Variants in FGD5 observed in about 807,000 individuals in gnomAD.
The protein encoded by FGD5 is FYVE, RhoGEF and PH domain-containing protein 5.
Under a neutral mutation model 133.4 loss-of-function variants are expected in FGD5, and 28 were observed. The ratio of observed to expected loss-of-function variants is 0.21; its 90% confidence interval spans 0.16 to 0.29. The LOEUF is 0.29. Among genes scored for constraint, FGD5 ranks in the 10% least tolerant of loss-of-function variants. The probability of loss-of-function intolerance (pLI) is 1.00; values close to 1 mark genes in which losing one functional copy is unlikely to be tolerated. For missense variants in FGD5, 1,858 were observed against 1,895.2 expected (o/e 0.98, Z 0.36); for synonymous variants, 810 against 776.5 (o/e 1.04, Z -0.72).
chr3:14,850,900 G>A (rs1460690177), intron 1 of FGD5, among the ~76,000 whole-genome samples: 1 of 152,180 alleles, frequency 6.6e-6, no homozygotes, highest in Non-Finnish European at 1.5e-5. Context: ...ATGTATGCAT[G>A]GGCCAGGGAG....
chr3:14,929,132 A>G (rs893939461), intron 18 of FGD5, among the ~76,000 whole-genome samples: 1 of 152,134 alleles, frequency 6.6e-6, no homozygotes, highest in African/African-American at 2.4e-5. Flanking sequence ...TCCATTAACC[A>G]TGATGTTTTT....
At position 14,932,646 on chromosome 3, in the gene FGD5, A is replaced by C; in HGVS notation, c.4267A>C (p.Ser1423Arg). 6.2e-7 allele frequency: 1 copy of C among 1,614,080 alleles called. No individual in the cohort carries two copies. Among genetic ancestry groups the C allele is most frequent in the South Asian group, 1.1e-5 (1 of 91,088 alleles). The change falls in exon 19 of 20, where the codon AGT becomes CGT. Residue 1423 changes from serine (S) to arginine (R), a missense_variant. Coordinates refer to ENST00000285046, the MANE Select transcript of FGD5 (RefSeq NM_152536.4). ...TIAPEKEEGS[S>R]EVGPIFHLYH... The stretch of plus-strand genomic sequence containing the variant: ...TGCTCCAGAAAAGGAAGAGGGCAGC[A>C]GTGAAGTAGGACCTATTTTTCACCT...
chr3:14,852,351 G>T (rs2125094981), intron 1 of FGD5, among the ~76,000 whole-genome samples: 1 of 152,318 alleles, frequency 6.6e-6, no homozygotes, highest in Non-Finnish European at 1.5e-5. Context: ...GCCTCATACT[G>T]TATGATTTCA....
chr3:14,834,889 A>T (rs2036785459), intron 1 of FGD5, among the ~76,000 whole-genome samples: 1 of 152,220 alleles, frequency 6.6e-6, no homozygotes, highest in Non-Finnish European at 1.5e-5. Flanking sequence ...TGGTGAAAGA[A>T]GCAAGCTTCA....
intron 1 of FGD5, among the ~76,000 whole-genome samples, chr3:14,822,093 T>C (rs1313640295): frequency 2.0e-5 from 3 of 150,924 alleles, no homozygotes; most frequent in African/African-American, 7.3e-5. Context: ...AGCGAGACTC[T>C]GTCTAAAAAA....
At chr3:14,892,403 C>CAG (rs2038047160) in intron 4 of FGD5, among the ~76,000 whole-genome samples, 1 of 152,052 alleles carries the variant, frequency 6.6e-6, no homozygotes, top group South Asian at 2.1e-4. Flanking sequence ...CCATGTTGCC[C>CAG]AGGCTGGTCT....
At chr3:14,860,926 C>T (rs1050992276) in intron 1 of FGD5, among the ~76,000 whole-genome samples, 2 of 152,114 alleles carry the variant, frequency 1.3e-5, no homozygotes, top group Non-Finnish European at 2.9e-5. Context: ...CTGCGGTGAG[C>T]TATGATCATA....
At chr3:14,911,057 G>A (rs2038439778) in intron 11 of FGD5, 128 bp downstream of exon 11, 7 of 829,368 alleles carry the variant, frequency 8.4e-6, no homozygotes, top group Admixed American at 2.4e-5. Context: ...TTGGGGGTGA[G>A]GATCATTCTG....
At chr3:14,903,327 C>T (rs1575245767) in intron 9 of FGD5, among the ~76,000 whole-genome samples, 1 of 152,270 alleles carries the variant, frequency 6.6e-6, no homozygotes, top group Admixed American at 6.5e-5. Context: ...ATGTGTCCCC[C>T]ACACAGTGTT....
intron 4 of FGD5, among the ~76,000 whole-genome samples, chr3:14,891,606 T>A (rs1208188139): frequency 6.6e-6 from 1 of 152,174 alleles, no homozygotes; most frequent in African/African-American, 2.4e-5. Flanking sequence ...AACCAGCTCA[T>A]CCTCCCTCCT....
chr3:14,919,648 C>T (rs2038635988), intron 13 of FGD5, among the ~76,000 whole-genome samples: 1 of 152,034 alleles, frequency 6.6e-6, no homozygotes, highest in Non-Finnish European at 1.5e-5. Context: ...AACAAAAATA[C>T]CATAAACTGA....
At chr3:14,904,763 C>A (rs888671467) in intron 9 of FGD5, among the ~76,000 whole-genome samples, 3 of 152,170 alleles carry the variant, frequency 2.0e-5, no homozygotes, top group African/African-American at 7.2e-5. Context: ...CCAGCTTTTG[C>A]ATATACCCAT....
intron 11 of FGD5, among the ~76,000 whole-genome samples, chr3:14,914,398 G>C (rs1559504092): frequency 6.6e-6 from 1 of 152,150 alleles, no homozygotes; most frequent in Non-Finnish European, 1.5e-5. Flanking sequence ...ATTCATGATG[G>C]GCTCTTCCTC....
chr3:14,883,100 T>C (rs2037857645), intron 4 of FGD5, among the ~76,000 whole-genome samples: 1 of 152,282 alleles, frequency 6.6e-6, no homozygotes, highest in Middle Eastern at 3.4e-3. Context: ...AGCTCTGTGC[T>C]TGTCACATGG....
At chr3:14,872,308 T>G (rs1656439) in intron 2 of FGD5, among the ~76,000 whole-genome samples, 21,904 of 152,240 alleles carry the variant, frequency 0.14, 1,904 homozygotes, top group East Asian at 0.39. Context: ...AACCAAGGTT[T>G]CACATGAGAT....
rs571454284 is a variant in FGD5 at position 14,895,857 on chromosome 3, GC to G, written c.2749-1650del. On this transcript the variant is annotated intron_variant, in intron 4 of 19. Transcript: ENST00000285046. ...CTGATATTAAAGTGCTGATATAAAA[GC>G]CGACAAGATGTTATACTCAGAAAAA... Among the ~76,000 whole-genome samples, 563 of 152,038 alleles carry G rather than the reference GC, an allele frequency of 3.7e-3. 5 individuals are homozygous for G. The highest frequency in any genetic ancestry group is 0.013 in the African/African-American group (541 of 41,462).
At chr3:14,923,655 G>A (rs1481389153) in intron 16 of FGD5, among the ~76,000 whole-genome samples, 1 of 152,180 alleles carries the variant, frequency 6.6e-6, no homozygotes, top group African/African-American at 2.4e-5. Context: ...CCCAAGCAGG[G>A]TCAAGTTCCC....
At chr3:14,872,857 G>A (rs1465936888) in intron 2 of FGD5, among the ~76,000 whole-genome samples, 21 of 152,174 alleles carry the variant, frequency 1.4e-4, no homozygotes, top group Admixed American at 1.3e-3. Flanking sequence ...AGAACAGGGG[G>A]CTTAGTTAGT....
intron 1 of FGD5, among the ~76,000 whole-genome samples, chr3:14,839,652 G>A (rs1018200512): frequency 6.6e-6 from 1 of 152,170 alleles, no homozygotes; most frequent in Non-Finnish European, 1.5e-5. Flanking sequence ...AAGAATGTTG[G>A]CCAGGCGCAG....
Sources: allele counts gnomAD v4.1 joint callset (sites outside exome capture counted in the v4.1 genomes callset), GRCh38; gene constraint gnomAD v4.1.1; transcripts MANE v1.5; gene names NCBI Gene and HGNC (gene_info 2026-07-23, HGNC 2026-07-21).